KDM7A: variants seen among roughly 807,000 people sequenced by gnomAD.
The protein encoded by KDM7A is lysine-specific demethylase 7A.
Under a neutral mutation model 114.8 loss-of-function variants are expected in KDM7A, and 28 were observed. The observed-to-expected ratio is 0.24, with a 90% CI of 0.18 to 0.33. The LOEUF is 0.33. Among genes scored for constraint, KDM7A ranks in the 10% least tolerant of loss-of-function variants. KDM7A has a pLI of 1.00. For missense variants in KDM7A, 942 were observed against 1,142.5 expected (o/e 0.82, Z 2.53); for synonymous variants, 423 against 397.8 (o/e 1.06, Z -0.75).
chr7:140,139,325 TATAAAGA>T, intron 1 of KDM7A, 135 bp from the exon 2 acceptor site: 1 of 599,236 alleles, frequency 1.7e-6, no homozygotes, highest in Non-Finnish European at 3.0e-6. Flanking sequence ...CAGAAACACA[TATAAAGA>T]TAAATTTTAT....
At chr7:140,120,365 A>AT (rs975988071) in intron 8 of KDM7A, 77 bp downstream of exon 8, 47 of 816,588 alleles carry the variant, frequency 5.8e-5, no homozygotes, top group African/African-American at 2.8e-4. Context: ...TAAGCTATTG[A>AT]TTTTTTTTAA....
chr7:140,112,298 A>G (rs1420821814), intron 10 of KDM7A, among the ~76,000 whole-genome samples: 1 of 152,200 alleles, frequency 6.6e-6, no homozygotes, highest in Non-Finnish European at 1.5e-5. Flanking sequence ...TTTTATTTCA[A>G]GGGGACATTC....
Position 140,176,009 on chromosome 7 carries a change from G to A in KDM7A, c.194+735C>T, listed in dbSNP as rs1794701330. Among the ~76,000 whole-genome samples, 2 of 152,050 alleles carry A rather than the reference G, an allele frequency of 1.3e-5. No individual in the cohort carries two copies. The highest frequency in any genetic ancestry group is 2.4e-5 in the African/African-American group (1 of 41,434). On this transcript the variant is annotated intron_variant, in intron 1 of 19. Transcript: ENST00000397560. This position sits in a 1 kb window ranked among gnomAD's most constrained non-coding sequence, Gnocchi z 4.4. ...CGACCCGGGTGTGTGCGGGGGCCCA[G>A]GACCGCGACCCGGGTCAACCTGCCG...
chr7:140,093,273 A>G (rs1818052502), intron 18 of KDM7A, among the ~76,000 whole-genome samples: 1 of 152,154 alleles, frequency 6.6e-6, no homozygotes, highest in Admixed American at 6.5e-5. Context: ...TTTCGGTGCC[A>G]TGTGAAAGCT....
At chr7:140,107,548 T>G (rs560869227) in intron 11 of KDM7A, among the ~76,000 whole-genome samples, 12 of 152,234 alleles carry the variant, frequency 7.9e-5, no homozygotes, top group Non-Finnish European at 1.2e-4. Flanking sequence ...TTTGGCTGGA[T>G]ATGAAATTCT....
chr7:140,115,656 C>T lies in KDM7A; in HGVS notation c.1247-2074G>A, dbSNP rs530798884. On this transcript the variant is annotated intron_variant, in intron 9 of 19. Transcript: ENST00000397560. ...CAAGTAATCAGGGACACAAACACTG[C>T]AGAAGGCCGCAGGGTCCTCTGCCTA... Among the ~76,000 whole-genome samples, 555 of 151,946 alleles carry T rather than the reference C, an allele frequency of 3.7e-3. 1 individual carries two copies. Among genetic ancestry groups the T allele is most frequent in the Admixed American group, 6.2e-3 (94 of 15,266 alleles).
intron 7 of KDM7A, among the ~76,000 whole-genome samples, chr7:140,121,730 C>T (rs1362229370): frequency 6.6e-6 from 1 of 152,174 alleles, no homozygotes; most frequent in Admixed American, 6.5e-5. Context: ...TTTTCCTGCG[C>T]ATTCATATAG....
At chr7:140,106,807 T>G (rs1447385887) in intron 11 of KDM7A, among the ~76,000 whole-genome samples, 1 of 152,242 alleles carries the variant, frequency 6.6e-6, no homozygotes, top group African/African-American at 2.4e-5. Flanking sequence ...TCAGGTCCAC[T>G]TGGTGCAAGC....
intron 8 of KDM7A, among the ~76,000 whole-genome samples, chr7:140,119,809 T>C (rs1048363326): frequency 6.6e-5 from 10 of 152,236 alleles, no homozygotes; most frequent in African/African-American, 2.4e-4. Context: ...GGGATCTCTA[T>C]GAGTGTGCCA....
At chr7:140,169,968 A>G (rs1392287550) in intron 1 of KDM7A, among the ~76,000 whole-genome samples, 1 of 152,232 alleles carries the variant, frequency 6.6e-6, no homozygotes, top group Admixed American at 6.5e-5. Context: ...AAACACACAA[A>G]TACTCATTAT....
chr7:140,094,126 T>TCAAGAC lies in KDM7A; in HGVS notation c.2386_2387insGTCTTG (p.Lys796delinsSerLeuGlu), dbSNP rs1818065863. The TCAAGAC allele has an allele frequency of 6.3e-7, 1 of 1,589,138 alleles. No individual in the cohort carries two copies. The highest frequency in any genetic ancestry group is 8.6e-7 in the Non-Finnish European group (1 of 1,157,256). ...AGTCCTCAAGTCTGGATCTTCAGTC[T>TCAAGAC]TGACATGGTATCCTAAAGAGAAGTT... On this transcript the variant is annotated protein_altering_variant, in exon 18 of 20. Transcript: ENST00000397560.
chr7:140,115,585 C>A (rs1319769305), intron 9 of KDM7A, among the ~76,000 whole-genome samples: 1 of 151,958 alleles, frequency 6.6e-6, no homozygotes, highest in Non-Finnish European at 1.5e-5. Context: ...TAAACAGATG[C>A]TTGAAGGTAG....
chr7:140,113,071 G>A (rs1397634488), intron 10 of KDM7A, among the ~76,000 whole-genome samples: 2 of 152,188 alleles, frequency 1.3e-5, no homozygotes. Flanking sequence ...TTAACTCTTT[G>A]AACCTTGGCT....
rs61068139 is a variant in KDM7A at position 140,171,571 on chromosome 7, A to ATATT, written c.194+5172_194+5173insAATA. 7.7e-3 allele frequency among the ~76,000 whole-genome samples: 398 copies of ATATT among 51,808 alleles called. 4 individuals carry two copies. Among genetic ancestry groups the ATATT allele is most frequent in the African/African-American group, 0.026 (375 of 14,196 alleles). The allele number at this position is 51,808 out of a possible 152,430, so 34.0% of individuals were successfully genotyped here. On this transcript the variant is annotated intron_variant, in intron 1 of 19. Coordinates refer to ENST00000397560, the MANE Select transcript of KDM7A (RefSeq NM_030647.2). The stretch of plus-strand genomic sequence containing the variant: ...AATATATATTTATTTTTATATATTT[A>ATATT]TATATATATATTTTTATATAGTTGT...
chr7:140,092,116 G>A (rs1480559402), intron 18 of KDM7A, 39 bp from the exon 19 acceptor site: 1 of 1,600,910 alleles, frequency 6.2e-7, no homozygotes, highest in Admixed American at 1.7e-5. Flanking sequence ...AATTTTTAGG[G>A]TTTAAATGAG....
chr7:140,105,110 A>G (rs1818307672), intron 11 of KDM7A, among the ~76,000 whole-genome samples: 1 of 152,082 alleles, frequency 6.6e-6, no homozygotes, highest in South Asian at 2.1e-4. Flanking sequence ...GGTGTATAGG[A>G]ATGCTTGTGA....
At chr7:140,143,676 G>A (rs1794310240) in intron 1 of KDM7A, among the ~76,000 whole-genome samples, 2 of 152,318 alleles carry the variant, frequency 1.3e-5, no homozygotes, top group Non-Finnish European at 1.5e-5. Flanking sequence ...TCACCTGAGA[G>A]AACTCTAGTA....
chr7:140,124,400 T>G (rs1818665370), intron 7 of KDM7A, among the ~76,000 whole-genome samples: 4 of 152,048 alleles, frequency 2.6e-5, no homozygotes, highest in Admixed American at 2.6e-4. Flanking sequence ...TCAATAAAAA[T>G]AAAAATGAAG....
rs1411909661 is a variant in KDM7A, at chr7:140,087,213, C to G, written c.*3881G>C. 6.6e-6 allele frequency: 1 copy of G among 152,200 alleles called. No homozygotes were observed. The highest frequency in any genetic ancestry group is 2.4e-5 in the African/African-American group (1 of 41,458). 9.4% of individuals were successfully genotyped at this position (152,200 alleles called of 1,614,324 possible). ...CTAAGTCATTTTAATTCCATGACTT[C>G]CTTCACCTTTATCTAGTACCTGAAG... is the stretch of plus-strand genomic sequence containing the variant. On this transcript the variant is annotated 3_prime_UTR_variant, in exon 20 of 20. Coordinates refer to ENST00000397560, the MANE Select transcript of KDM7A (RefSeq NM_030647.2).
Sources: gnomAD v4.1 joint callset for allele counts (sites outside exome capture counted in the v4.1 genomes callset) on GRCh38, gnomAD v4.1.1 for gene constraint, Gnocchi (gnomAD v3.1) non-coding constraint, MANE v1.5 for transcripts, NCBI Gene and HGNC (gene_info 2026-07-23, HGNC 2026-07-21) for gene names.